The following SRSF4 variants were observed in gnomAD, a reference collection of about 807,000 sequenced individuals.
SRSF4 encodes the protein serine/arginine-rich splicing factor 4.
In SRSF4, 12 loss-of-function variants were observed where a neutral mutation model predicts 48.8. The ratio of observed to expected loss-of-function variants is 0.25; its 90% CI spans 0.16 to 0.40. The LOEUF (loss-of-function observed/expected upper bound fraction) is 0.40, where lower values mean the gene tolerates loss of function less well. SRSF4 is among the 10% of genes least tolerant of loss of function. SRSF4 has a pLI of 1.00. For missense variants in SRSF4, 466 were observed against 667.1 expected (o/e 0.70, Z 3.32); for synonymous variants, 248 against 232.5 (o/e 1.07, Z -0.61).
intron 5 of SRSF4, among the ~76,000 whole-genome samples, chr1:29,149,753 CA>C (rs1255219527): frequency 1.3e-5 from 2 of 150,322 alleles, no homozygotes; most frequent in Admixed American, 6.6e-5. Flanking sequence ...GATTGAAATC[CA>C]AGTGAGGCTG....
intron 1 of SRSF4, among the ~76,000 whole-genome samples, chr1:29,175,586 T>C (rs1672828227): frequency 6.9e-6 from 1 of 145,730 alleles, no homozygotes; most frequent in Non-Finnish European, 1.5e-5. Flanking sequence ...TCCCAGCTAC[T>C]TGAGAGGCTG....
chr1:29,180,125 CA>C (rs1360567982), intron 1 of SRSF4, among the ~76,000 whole-genome samples: 4 of 152,336 alleles, frequency 2.6e-5, no homozygotes, highest in Non-Finnish European at 4.4e-5. Flanking sequence ...CAACCAGGTT[CA>C]GAGAAGTAAC....
intron 4 of SRSF4, among the ~76,000 whole-genome samples, chr1:29,152,480 C>G (rs1259791749): frequency 6.6e-6 from 1 of 152,176 alleles, no homozygotes; most frequent in South Asian, 2.1e-4. Context: ...CATTCTTGCT[C>G]TGGCCTAATG....
At chr1:29,151,475 C>T (rs1230579481) in intron 4 of SRSF4, among the ~76,000 whole-genome samples, 2 of 152,010 alleles carry the variant, frequency 1.3e-5, no homozygotes, top group Non-Finnish European at 2.9e-5. Context: ...CCAGCCTGGG[C>T]GACAGAGCAA....
chr1:29,168,883 G>A (rs895476919), intron 1 of SRSF4: 1 of 152,172 alleles, frequency 6.6e-6, no homozygotes, highest in African/African-American at 2.4e-5. Flanking sequence ...AAGCGTGAAT[G>A]GTAGGAGGGA....
At chr1:29,159,264 T>C in intron 3 of SRSF4, 110 bp downstream of exon 3, 1 of 654,738 alleles carries the variant, frequency 1.5e-6, no homozygotes, top group Non-Finnish European at 2.7e-6. Context: ...GTGCAGGCTT[T>C]CAAACATATA....
intron 1 of SRSF4, among the ~76,000 whole-genome samples, chr1:29,175,906 G>C (rs759985364): frequency 2.0e-4 from 31 of 151,886 alleles, no homozygotes; most frequent in Non-Finnish European, 1.2e-4. Flanking sequence ...CTAATGCTTT[G>C]TACATGCCAG....
At chr1:29,165,949 CA>C (rs1344842818) in intron 1 of SRSF4, 3 of 152,188 alleles carry the variant, frequency 2.0e-5, no homozygotes, top group Non-Finnish European at 4.4e-5. Flanking sequence ...AGTCCTCAGC[CA>C]ACCATCAGCA....
Position 29,159,546 on chromosome 1 carries a change from C to G in SRSF4, c.251-60G>C, listed in dbSNP as rs1160450758. 17 of 1,144,176 alleles carry G rather than the reference C, an allele frequency of 1.5e-5. 1 individual carries two copies. The South Asian group carries it at 2.2e-4, about 15-fold the overall frequency. 70.9% of individuals were successfully genotyped at this position (1,144,176 alleles called of 1,614,324 possible). ...TGGAAGAAAAGGAAAAAAAATGACA[C>G]AGCACACACCCCCCCTTAAATATAT... On this transcript the variant is annotated intron_variant, in intron 2 of 5. Transcript: ENST00000373795.
intron 1 of SRSF4, 116 bp downstream of exon 1, chr1:29,181,530 T>A (rs1672957632): frequency 2.2e-6 from 2 of 899,660 alleles, no homozygotes; most frequent in Non-Finnish European, 3.2e-6. Flanking sequence ...TGGCGGAGCC[T>A]GGCCAGGCCG....
At chr1:29,155,825 G>C (rs1558388130) in intron 3 of SRSF4, among the ~76,000 whole-genome samples, 1 of 152,124 alleles carries the variant, frequency 6.6e-6, no homozygotes, top group Non-Finnish European at 1.5e-5. Context: ...CAAATTATTT[G>C]TTTATAACCA....
intron 4 of SRSF4, among the ~76,000 whole-genome samples, chr1:29,152,437 T>C (rs1426623729): frequency 6.6e-6 from 1 of 152,138 alleles, no homozygotes; most frequent in Non-Finnish European, 1.5e-5. Flanking sequence ...TAACAAAACC[T>C]GAAAAGTCTC....
chr1:29,153,002 C>T (rs1672437417), intron 4 of SRSF4, among the ~76,000 whole-genome samples: 1 of 152,000 alleles, frequency 6.6e-6, no homozygotes, highest in Non-Finnish European at 1.5e-5. Flanking sequence ...CTCAGTTCTA[C>T]AGCATGTCCT....
At chr1:29,175,378 G>A (rs929526236) in intron 1 of SRSF4, among the ~76,000 whole-genome samples, 6 of 150,380 alleles carry the variant, frequency 4.0e-5, no homozygotes, top group Non-Finnish European at 8.9e-5. Context: ...TCCAGCCTGG[G>A]CAACAGACAG....
intron 1 of SRSF4, among the ~76,000 whole-genome samples, chr1:29,179,534 A>T (rs1407883569): frequency 6.6e-6 from 1 of 152,018 alleles, no homozygotes; most frequent in Non-Finnish European, 1.5e-5. Flanking sequence ...TAATTAAAAA[A>T]ATTTTTTTCT....
intron 3 of SRSF4, among the ~76,000 whole-genome samples, chr1:29,156,592 C>T (rs1462791998): frequency 6.6e-6 from 1 of 152,030 alleles, no homozygotes; most frequent in African/African-American, 2.4e-5. Context: ...TGTAAGTGAC[C>T]TTAGTGGCAG....
intron 3 of SRSF4, among the ~76,000 whole-genome samples, chr1:29,157,787 A>G (rs1672523358): frequency 6.6e-6 from 1 of 152,240 alleles, no homozygotes; most frequent in African/African-American, 2.4e-5. Context: ...GACAGAAAAC[A>G]AAACCTGTTT....
intron 1 of SRSF4, chr1:29,165,764 G>A (rs1380268101): frequency 1.3e-5 from 2 of 152,284 alleles, no homozygotes; most frequent in African/African-American, 2.4e-5. Context: ...GGTATGAGGA[G>A]CAGGGGAAAG....
intron 1 of SRSF4, among the ~76,000 whole-genome samples, chr1:29,161,954 A>C (rs1217798199): frequency 6.6e-6 from 1 of 152,208 alleles, no homozygotes. Context: ...AGAACTCAGA[A>C]TTGTGGAATT....
Sources: gnomAD v4.1 joint callset for allele counts (sites outside exome capture counted in the v4.1 genomes callset) on GRCh38, gnomAD v4.1.1 for gene constraint, MANE v1.5 for transcripts, NCBI Gene and HGNC (gene_info 2026-07-23, HGNC 2026-07-21) for gene names.